ANAPC11: variants seen among roughly 807,000 people sequenced by gnomAD.
The protein encoded by ANAPC11 is anaphase promoting complex subunit 11.
Under a neutral mutation model 11.8 loss-of-function variants are expected in ANAPC11, and 5 were observed. That is an observed-to-expected ratio of 0.42 (90% confidence interval 0.22 to 0.89). The LOEUF (loss-of-function observed/expected upper bound fraction) is 0.89. Ranked by LOEUF, ANAPC11 falls within the 40% of genes least tolerant of loss-of-function variation. The probability of loss-of-function intolerance (pLI) is 0.28; values close to 1 mark genes in which losing one functional copy is unlikely to be tolerated. For missense variants in ANAPC11, 68 were observed against 112.9 expected, an observed-to-expected ratio of 0.60 and a Z score of 1.80; for synonymous variants, 45 against 41.0, an observed-to-expected ratio of 1.10 and a Z score of -0.38.
Position 81,891,790 on chromosome 17 carries a change from T to TA in ANAPC11, c.-125dup, listed in dbSNP as rs1567864860. 7.2e-6 allele frequency: 2 copies of TA among 277,760 alleles called. No individual in the cohort carries two copies. The highest frequency in any genetic ancestry group is 1.3e-5 in the Non-Finnish European group (2 of 153,148). The allele number at this position is 277,760 out of a possible 1,614,324, so 17.2% of individuals were successfully genotyped here. On this transcript the variant is annotated 5_prime_UTR_variant, in exon 1 of 4. Coordinates refer to ENST00000344877, the MANE Select transcript of ANAPC11 (RefSeq NM_001002248.3). ...GTCGGGCCGCGACTGTGGTCGTTTT[T>TA]ATACCTTCCCGCGCGGACGCCGGCG...
chr17:81,894,617 C>T, intron 3 of ANAPC11, 31 bp downstream of exon 3: 1 of 1,514,802 alleles, frequency 6.6e-7, no homozygotes, highest in Admixed American at 1.7e-5. Flanking sequence ...GTCTGAGCGG[C>T]CCCGACTGTG....
In ANAPC11 at chr17:81,891,732, G is replaced by T. The variant is rs1286792350; in HGVS notation, c.-184G>T. ...TGAGGCGGGGAGGCGCGTGCGCACT[G>T]GCGTGCGAGACTCGGCGGGCGCTGT... On this transcript the variant is annotated 5_prime_UTR_variant, in exon 1 of 4. Transcript: ENST00000344877. The T allele has an allele frequency of 8.3e-6, 5 of 603,386 alleles. No homozygotes were observed. In the South Asian group the frequency reaches 1.7e-4, roughly 20 times the overall value. 37.4% of individuals were successfully genotyped at this position (603,386 alleles called of 1,614,324 possible). A position where few individuals can be genotyped will look rare whatever the true frequency, so the allele number is the denominator to read the frequency against.
chr17:81,891,719 G>A, upstream of ANAPC11: 4 of 779,910 alleles, frequency 5.1e-6, no homozygotes, highest in Non-Finnish European at 3.4e-6. Context: ...AGGCGGGGAG[G>A]CGCGTGCGCA....
chr17:81,899,656 TG>T, intron 3 of ANAPC11: 1 of 1,295,792 alleles, frequency 7.7e-7, no homozygotes, highest in East Asian at 2.5e-5. Flanking sequence ...ATGATGAGCC[TG>T]GGTGAGGGGA....
chr17:81,899,475 C>T, intron 3 of ANAPC11: 2 of 1,614,030 alleles, frequency 1.2e-6, no homozygotes, highest in Non-Finnish European at 1.7e-6. Flanking sequence ...TCCTTGGTGC[C>T]TTGACCATTC....
At chr17:81,899,278 G>C (rs1355242000) in intron 3 of ANAPC11, 1 of 1,612,462 alleles carries the variant, frequency 6.2e-7, no homozygotes, top group African/African-American at 1.3e-5. Flanking sequence ...AGGTGTTTGG[G>C]CTGGTGCCCG....
At chr17:81,894,310 C>T (rs2039656362) in intron 2 of ANAPC11, 157 bp from the exon 3 acceptor site, 1 of 408,504 alleles carries the variant, frequency 2.4e-6, no homozygotes, top group African/African-American at 2.0e-5. Context: ...CGATGTTTCC[C>T]AGGCTGGGTT....
rs1320755018 is a variant in ANAPC11, at chr17:81,891,744, T to G, written c.-172T>G. ...GCGCGTGCGCACTGGCGTGCGAGAC[T>G]CGGCGGGCGCTGTTGAGGGAGTCGG... On this transcript the variant is annotated 5_prime_UTR_variant, in exon 1 of 4. Coordinates refer to ENST00000344877, the MANE Select transcript of ANAPC11 (RefSeq NM_001002248.3). 6.0e-6 allele frequency: 3 copies of G among 504,142 alleles called. No individual in the cohort carries two copies. Among genetic ancestry groups the G allele is most frequent in the Admixed American group, 5.6e-5 (1 of 17,724 alleles). 31.2% of individuals were successfully genotyped at this position (504,142 alleles called of 1,614,324 possible). A position where few individuals can be genotyped will look rare whatever the true frequency, so the allele number is the denominator to read the frequency against.
At position 81,900,007 on chromosome 17, in the gene ANAPC11, C is replaced by T; in HGVS notation, c.197C>T (p.Ala66Val). ...CATTGCATCCTCAAGTGGCTGCACG[C>T]ACAGCAGGTGCAGCAGCACTGCCCC... ...HMHCILKWLH[A>V]QQVQQHCPMC... The change falls in exon 4 of 4, where the codon GCA becomes GTA. Residue 66 changes from alanine to valine, a missense_variant. By Grantham distance (64) the Ala-to-Val change is moderately conservative. Transcript: ENST00000344877. The T allele has an allele frequency of 6.2e-7, 1 of 1,612,908 alleles. No homozygotes were observed. The highest frequency in any genetic ancestry group is 2.2e-5 in the East Asian group (1 of 44,880).
intron 3 of ANAPC11, among the ~76,000 whole-genome samples, chr17:81,897,521 C>T (rs937772911): frequency 1.3e-5 from 2 of 151,952 alleles, no homozygotes; most frequent in Admixed American, 6.6e-5. Flanking sequence ...GTCACCCAGG[C>T]GGCAGTGCAG....
At chr17:81,894,325 C>A (rs1288836459) in intron 2 of ANAPC11, 142 bp from the exon 3 acceptor site, 3 of 427,432 alleles carry the variant, frequency 7.0e-6, no homozygotes, top group Non-Finnish European at 1.3e-5. Context: ...TGGGTTCGGA[C>A]TCCTGGGCCG....
chr17:81,894,864 T>C, intron 3 of ANAPC11: 1 of 363,270 alleles, frequency 2.8e-6, no homozygotes, highest in African/African-American at 2.1e-5. Flanking sequence ...ATTACAGGCA[T>C]GTGCCACCAT....
At chr17:81,896,885 T>A (rs780452179) in intron 3 of ANAPC11, among the ~76,000 whole-genome samples, 1 of 127,128 alleles carries the variant, frequency 7.9e-6, no homozygotes, top group Admixed American at 1.0e-4. Flanking sequence ...CCATCTCAGC[T>A]CACCGCAACC....
intron 3 of ANAPC11, chr17:81,898,903 CAG>C: frequency 2.8e-6 from 1 of 359,120 alleles, no homozygotes; most frequent in South Asian, 4.2e-5. Context: ...CCCGAGTACT[CAG>C]AGTGGCCCAG....
At chr17:81,894,740 C>T (rs1451793735) in intron 3 of ANAPC11, 154 bp downstream of exon 3, 3 of 455,284 alleles carry the variant, frequency 6.6e-6, no homozygotes, top group Non-Finnish European at 1.1e-5. Context: ...TTTTTGAGAC[C>T]GAGTTTCGAT....
Position 81,894,714 on chromosome 17 carries a change from T to C in ANAPC11, c.109+128T>C, listed in dbSNP as rs1567868001. Reference sequence around the variant, plus strand: ...CTGCACGAAATACCCAGTTTCATTTTCTTTTTTTTTTTTTTTTTTTGAGAC... The same window carrying C: ...CTGCACGAAATACCCAGTTTCATTTCCTTTTTTTTTTTTTTTTTTTGAGAC... On this transcript the variant is annotated intron_variant, in intron 3 of 3. Coordinates refer to ENST00000344877, the MANE Select transcript of ANAPC11 (RefSeq NM_001002248.3). 3 of 464,724 alleles carry C rather than the reference T, an allele frequency of 6.5e-6. No homozygotes were observed. In the East Asian group the frequency reaches 1.1e-4, roughly 16 times the overall value. The allele number at this position is 464,724 out of a possible 1,614,324, so 28.8% of individuals were successfully genotyped here.
At chr17:81,895,522 G>T (rs1478521965) in intron 3 of ANAPC11, among the ~76,000 whole-genome samples, 1 of 152,224 alleles carries the variant, frequency 6.6e-6, no homozygotes, top group African/African-American at 2.4e-5. Flanking sequence ...ACAAGGTCAA[G>T]AGATGGAGGC....
upstream of ANAPC11, chr17:81,891,608 GGCAC>G (rs1177770114): frequency 7.3e-7 from 1 of 1,376,208 alleles, no homozygotes; most frequent in Non-Finnish European, 9.5e-7. Context: ...TCAGCACGCC[GGCAC>G]GTCACTTCCG....
upstream of ANAPC11, chr17:81,891,463 C>T (rs1035044135): frequency 2.7e-5 from 29 of 1,090,352 alleles, no homozygotes; most frequent in East Asian, 1.8e-3. Flanking sequence ...CCCTGGGAGC[C>T]GGCCCGGCCG....
Sources: allele counts gnomAD v4.1 joint callset (sites outside exome capture counted in the v4.1 genomes callset), GRCh38; gene constraint gnomAD v4.1.1; transcripts MANE v1.5; gene names NCBI Gene and HGNC (gene_info 2026-07-23, HGNC 2026-07-21).